Variants in TEX26 observed in about 807,000 individuals in gnomAD.
TEX26 encodes the protein testis expressed 26, also known as testis-expressed protein 26.
TEX26 carries 34 observed loss-of-function variants against 35.3 expected under a neutral mutation model. The observed-to-expected ratio is 0.96, with a 90% CI of 0.73 to 1.28. TEX26 has a LOEUF of 1.28. Among genes scored for constraint, TEX26 ranks in the 50% most tolerant of loss-of-function variants. The pLI is 0.00. For synonymous variants in TEX26, 136 were observed against 111.8 expected (o/e 1.22, Z -1.36); for missense variants, 371 against 330.1 (o/e 1.12, Z -0.96).
chr13:30,942,315 A>T (rs1020428637), intron 2 of TEX26, among the ~76,000 whole-genome samples: 1 of 151,890 alleles, frequency 6.6e-6, no homozygotes, highest in Non-Finnish European at 1.5e-5. Flanking sequence ...GGCCATTTGT[A>T]TACCTTCTTT....
At chr13:30,953,008 C>A (rs777965854) in intron 3 of TEX26, among the ~76,000 whole-genome samples, 183 bp downstream of exon 3, 1 of 151,994 alleles carries the variant, frequency 6.6e-6, no homozygotes, top group Non-Finnish European at 1.5e-5. Flanking sequence ...TGTTCTATCC[C>A]CTGGAGTTTT....
At chr13:30,934,775 C>A (rs1206153704) in intron 1 of TEX26, among the ~76,000 whole-genome samples, 4 of 152,146 alleles carry the variant, frequency 2.6e-5, no homozygotes, top group African/African-American at 7.2e-5. Flanking sequence ...GCTACAGACC[C>A]AGGCCTCCTG....
Position 30,957,048 on chromosome 13 carries a change from C to CT in TEX26, c.469+26dup, listed in dbSNP as rs781658853. On this transcript the variant is annotated intron_variant, in intron 4 of 6. Coordinates refer to ENST00000380473, the MANE Select transcript of TEX26 (RefSeq NM_152325.3). ...TCAAAAGGTAAACACTTTTGTTTTT[C>CT]TTTTTTTCCTGGGTCATGTGGTAGG... 62 of 1,608,450 alleles carry CT rather than the reference C, an allele frequency of 3.9e-5. No homozygotes were observed. The highest frequency in any genetic ancestry group is 5.0e-5 in the Non-Finnish European group (59 of 1,176,122).
intron 1 of TEX26, among the ~76,000 whole-genome samples, chr13:30,937,844 T>A (rs1283315549): frequency 6.6e-6 from 1 of 152,124 alleles, no homozygotes; most frequent in East Asian, 1.9e-4. Context: ...CAGATCCTGA[T>A]TGGAAATGAG....
intron 3 of TEX26, among the ~76,000 whole-genome samples, chr13:30,955,181 A>G (rs186527692): frequency 6.6e-6 from 1 of 152,234 alleles, no homozygotes; most frequent in Non-Finnish European, 1.5e-5. Flanking sequence ...GCTTTAAAAA[A>G]TGAAATCGCA....
Position 30,974,131 on chromosome 13 carries a change from A to AAAAAAAAAATAT in TEX26, c.809-714_809-713insAAAAAAAATATA. 2.1e-3 allele frequency among the ~76,000 whole-genome samples: 175 copies of AAAAAAAAAATAT among 84,398 alleles called. 2 individuals carry two copies. The highest frequency in any genetic ancestry group is 8.0e-3 in the African/African-American group (169 of 21,050). The allele number at this position is 84,398 out of a possible 152,430, so 55.4% of individuals were successfully genotyped here. A position where few individuals can be genotyped will look rare whatever the true frequency, so the allele number is the denominator to read the frequency against. ...GTGAGCCTCCATCTAAAAAAAAAAA[A>AAAAAAAAAATAT]ATATATATATATATATATATATATA... On this transcript the variant is annotated intron_variant, in intron 6 of 6. Transcript: ENST00000380473.
chr13:30,948,668 A>C (rs966625104), intron 2 of TEX26, among the ~76,000 whole-genome samples: 3 of 151,984 alleles, frequency 2.0e-5, no homozygotes, highest in African/African-American at 7.3e-5. Flanking sequence ...AGGTTGCTAA[A>C]ATTTTCTCCC....
chr13:30,958,803 T>A (rs917679083), intron 4 of TEX26, among the ~76,000 whole-genome samples: 3 of 152,194 alleles, frequency 2.0e-5, no homozygotes, highest in Admixed American at 1.3e-4. Flanking sequence ...GTCTAGCATG[T>A]TCCAGATGAA....
chr13:30,960,898 C>T (rs1160572901), intron 4 of TEX26, among the ~76,000 whole-genome samples: 2 of 152,052 alleles, frequency 1.3e-5, no homozygotes, highest in Non-Finnish European at 2.9e-5. Context: ...TGGGTGCACA[C>T]AAAATATTAA....
intron 5 of TEX26, among the ~76,000 whole-genome samples, chr13:30,967,158 T>TC (rs1448277403): frequency 6.6e-6 from 1 of 152,184 alleles, no homozygotes; most frequent in Non-Finnish European, 1.5e-5. Flanking sequence ...CCAAGCCACC[T>TC]CCAAGCTACT....
chr13:30,944,248 G>A (rs1435287405), intron 2 of TEX26, among the ~76,000 whole-genome samples: 1 of 151,822 alleles, frequency 6.6e-6, no homozygotes, highest in African/African-American at 2.4e-5. Flanking sequence ...AGTGCATTGA[G>A]GTGCTCATAG....
intron 3 of TEX26, among the ~76,000 whole-genome samples, chr13:30,955,643 T>G (rs946793825): frequency 6.6e-5 from 10 of 152,230 alleles, no homozygotes; most frequent in African/African-American, 2.4e-4. Context: ...AGAGAGTGCT[T>G]TCTTTTTAAG....
At chr13:30,969,252 C>T (rs970303033) in intron 6 of TEX26, among the ~76,000 whole-genome samples, 2 of 152,048 alleles carry the variant, frequency 1.3e-5, no homozygotes, top group African/African-American at 4.8e-5. Context: ...GACTATATCC[C>T]CACTTATTAA....
At chr13:30,941,766 C>T (rs961667853) in intron 2 of TEX26, among the ~76,000 whole-genome samples, 2 of 152,120 alleles carry the variant, frequency 1.3e-5, no homozygotes, top group Non-Finnish European at 2.9e-5. Flanking sequence ...TCCATTCCTG[C>T]ATTCCTGAGT....
chr13:30,938,479 A>G (rs894504437), intron 1 of TEX26, among the ~76,000 whole-genome samples: 1 of 152,148 alleles, frequency 6.6e-6, no homozygotes, highest in Non-Finnish European at 1.5e-5. Context: ...AGGGCATTGC[A>G]TGGTGATAGG....
At chr13:30,945,920 G>A (rs890649505) in intron 2 of TEX26, among the ~76,000 whole-genome samples, 1 of 151,836 alleles carries the variant, frequency 6.6e-6, no homozygotes, top group Non-Finnish European at 1.5e-5. Context: ...ACAGTCTGAT[G>A]ACTATAGGCG....
intron 1 of TEX26, among the ~76,000 whole-genome samples, chr13:30,934,188 G>C (rs547901536): frequency 6.6e-6 from 1 of 152,172 alleles, no homozygotes; most frequent in Non-Finnish European, 1.5e-5. Flanking sequence ...TGATCACCAG[G>C]TCTCTTTGAT....
chr13:30,936,941 A>G (rs1184894708), intron 1 of TEX26: 3 of 985,340 alleles, frequency 3.0e-6, no homozygotes, highest in Non-Finnish European at 2.4e-6. Context: ...TTCCAATGGC[A>G]TACTGTACTT....
chr13:30,951,923 A>T (rs1402150070), intron 2 of TEX26, among the ~76,000 whole-genome samples: 1 of 132,674 alleles, frequency 7.5e-6, no homozygotes, highest in Non-Finnish European at 1.6e-5. Context: ...TTTAATCTTT[A>T]AAAAAAAAGA....
Sources: allele counts gnomAD v4.1 joint callset (sites outside exome capture counted in the v4.1 genomes callset), GRCh38; gene constraint gnomAD v4.1.1; transcripts MANE v1.5; gene names NCBI Gene and HGNC (gene_info 2026-07-23, HGNC 2026-07-21).